OTOGL: variants seen among roughly 807,000 people sequenced by gnomAD.
OTOGL encodes otogelin-like protein.
A neutral mutation model predicts 318.5 loss-of-function variants in OTOGL; 285 were observed. The observed-to-expected ratio is 0.89, with a 90% CI of 0.81 to 0.99. The LOEUF (loss-of-function observed/expected upper bound fraction) is 0.99, where lower values mean the gene tolerates loss of function less well. Ranked by LOEUF, OTOGL falls within the 50% of genes least tolerant of loss-of-function variation. The pLI is 0.00. For synonymous variants in OTOGL, 987 were observed against 936.5 expected (o/e 1.05, Z -0.99); for missense variants, 2,899 against 2,845.6 (o/e 1.02, Z -0.43).
At chr12:80,303,744 G>A (rs888978397) in intron 28 of OTOGL, among the ~76,000 whole-genome samples, 1 of 152,062 alleles carries the variant, frequency 6.6e-6, no homozygotes, top group South Asian at 2.1e-4. Context: ...TAACCATCAG[G>A]TGTCATGAGA....
chr12:80,114,044 C>T lies in OTOGL; in HGVS notation c.-20+14439C>T, dbSNP rs371748938. On this transcript the variant is annotated intron_variant, in intron 1 of 58. Transcript: ENST00000547103. ...GATGGGTCTCCTGAATACAGCACAC[C>T]GATGGGTCTTGACTCTTTATCCAAT... Among the ~76,000 whole-genome samples, 28 of 152,046 alleles carry T rather than the reference C, an allele frequency of 1.8e-4. No individual in the cohort carries two copies. In the East Asian group the frequency reaches 2.7e-3, roughly 15 times the overall value.
intron 22 of OTOGL, among the ~76,000 whole-genome samples, chr12:80,267,937 G>A (rs1241417068): frequency 4.0e-5 from 6 of 151,504 alleles, no homozygotes; most frequent in African/African-American, 1.5e-4. Context: ...GGTGAAGTAC[G>A]TGTTTAAATA....
At position 80,265,015 on chromosome 12, in the gene OTOGL, C is replaced by G; in HGVS notation, c.2029C>G (p.His677Asp). 1.2e-6 allele frequency: 2 copies of G among 1,613,870 alleles called. No homozygotes were observed. The highest frequency in any genetic ancestry group is 1.7e-6 in the Non-Finnish European group (2 of 1,179,830). The change falls in exon 20 of 59, where the codon CAC becomes GAC. Residue 677 changes from histidine to aspartate, a missense_variant. By Grantham distance (81) the His-to-Asp change is moderately conservative (BLOSUM62 -1). This residue lies in a region of OTOGL where 2,607 missense variants were observed against 2,524.9 expected (regional missense o/e 1.03). Coordinates refer to ENST00000547103, the MANE Select transcript of OTOGL (RefSeq NM_001378609.3). ...INQQNIGYAA[H>D]CDVIHQELFA... ...CTCTTTGTTAGTTGGGTATGCAGCA[C>G]ACTGTGATGTCATCCACCAGGAGCT...
chr12:80,310,836 A>G (rs897502494), intron 30 of OTOGL, 109 bp downstream of exon 30: 4 of 784,070 alleles, frequency 5.1e-6, no homozygotes, highest in South Asian at 2.0e-5. Flanking sequence ...TTTTAGATAT[A>G]CCACCTAACT....
chr12:80,304,793 AT>A (rs1209517501), intron 28 of OTOGL, among the ~76,000 whole-genome samples: 1 of 152,096 alleles, frequency 6.6e-6, no homozygotes, highest in Non-Finnish European at 1.5e-5. Flanking sequence ...TGCAGTGATG[AT>A]TTTCTAGAAG....
chr12:80,146,791 G>C (rs1872398067), intron 1 of OTOGL, among the ~76,000 whole-genome samples: 1 of 150,722 alleles, frequency 6.6e-6, no homozygotes, highest in Admixed American at 6.6e-5. Context: ...TCTTGGGAGA[G>C]TGTATGTGTC....
chr12:80,267,294 C>T lies in OTOGL; in HGVS notation c.2432C>T (p.Pro811Leu). ...RCHYRGSVYQ[P>L]GELIPTPSGL... Reference sequence around the variant, plus strand: ...CATTATAGGGGCAGTGTTTATCAACCTGGAGAGCTCATCCCCACACCCTCG... The same window carrying T: ...CATTATAGGGGCAGTGTTTATCAACTTGGAGAGCTCATCCCCACACCCTCG... Residue 811 changes from proline to leucine, a missense_variant, in exon 22 of 59, where the codon CCT (proline) becomes CTT (leucine). Physicochemically the swap from Pro to Leu is moderately conservative, Grantham distance 98 (BLOSUM62 -3). This residue lies in a region of OTOGL where 2,607 missense variants were observed against 2,524.9 expected (regional missense o/e 1.03). Coordinates refer to ENST00000547103, the MANE Select transcript of OTOGL (RefSeq NM_001378609.3). 2 of 1,565,734 alleles carry T rather than the reference C, an allele frequency of 1.3e-6. No homozygotes were observed. The highest frequency in any genetic ancestry group is 1.7e-6 in the Non-Finnish European group (2 of 1,144,504).
At chr12:80,279,768 T>A (rs1884082789) in intron 26 of OTOGL, among the ~76,000 whole-genome samples, 1 of 151,840 alleles carries the variant, frequency 6.6e-6, no homozygotes, top group South Asian at 2.1e-4. Context: ...CATGTGTCTT[T>A]ACGGTAGAAT....
At chr12:80,333,171 T>G (rs1888187237) in intron 38 of OTOGL, 93 bp downstream of exon 38, 1 of 1,093,418 alleles carries the variant, frequency 9.1e-7, no homozygotes, top group Non-Finnish European at 1.3e-6. Context: ...CTAAACTTTT[T>G]TTGATATGTT....
chr12:80,199,434 TA>T (rs1032689391), intron 1 of OTOGL, among the ~76,000 whole-genome samples: 6 of 152,348 alleles, frequency 3.9e-5, no homozygotes, highest in Admixed American at 6.5e-5. Flanking sequence ...GTTGAATGAT[TA>T]TTTTTATCAT....
At chr12:80,177,562 C>A (rs1276785223) in intron 1 of OTOGL, among the ~76,000 whole-genome samples, 1 of 151,444 alleles carries the variant, frequency 6.6e-6, no homozygotes, top group Admixed American at 6.6e-5. Flanking sequence ...TAACTTTATC[C>A]TTTTTTTTAA....
intron 1 of OTOGL, chr12:80,102,828 C>G (rs1869220108): frequency 1.5e-6 from 1 of 662,070 alleles, no homozygotes; most frequent in Non-Finnish European, 2.7e-6. Flanking sequence ...ACTCTCGGAG[C>G]TCTAGTCATA....
At chr12:80,274,162 A>T (rs1883620554) in intron 24 of OTOGL, among the ~76,000 whole-genome samples, 1 of 152,076 alleles carries the variant, frequency 6.6e-6, no homozygotes, top group Admixed American at 6.6e-5. Context: ...AGAAATGATT[A>T]GATTTAGTGA....
intron 1 of OTOGL, among the ~76,000 whole-genome samples, chr12:80,125,957 T>C (rs1005643885): frequency 2.6e-5 from 4 of 152,188 alleles, no homozygotes; most frequent in African/African-American, 4.8e-5. Flanking sequence ...TTGCTAGCAG[T>C]CTATCAATTT....
Position 80,302,625 on chromosome 12 carries a change from G to T in OTOGL, c.3064-9G>T. The stretch of plus-strand genomic sequence containing the variant: ...ACTCACTTTGTTTATTTTCTTTTTT[G>T]TTTTTAAGAAACAATCAGGTTTTTT... On this transcript the variant is annotated splice_polypyrimidine_tract_variant and intron_variant, in intron 27 of 58. Coordinates refer to ENST00000547103, the MANE Select transcript of OTOGL (RefSeq NM_001378609.3). 7.5e-7 allele frequency: 1 copy of T among 1,333,324 alleles called. No individual in the cohort carries two copies. Among genetic ancestry groups the T allele is most frequent in the African/African-American group, 1.5e-5 (1 of 66,482 alleles). 82.6% of individuals were successfully genotyped at this position (1,333,324 alleles called of 1,614,324 possible).
In OTOGL at chr12:80,267,261, G is replaced by A. The variant is rs773037894; in HGVS notation, c.2399G>A (p.Cys800Tyr). ...TLNFCVPIFH[C>Y]RCHYRGSVYQ... ...ACTTTTTCTTCGTATAGATTCCACT[G>A]CCGTTGTCATTATAGGGGCAGTGTT... Residue 800 changes from cysteine (C) to tyrosine (Y), a missense_variant, in exon 22 of 59, where the codon TGC becomes TAC. By Grantham distance (194) the Cys-to-Tyr change is radical. This residue lies in a region of OTOGL where 2,607 missense variants were observed against 2,524.9 expected (regional missense o/e 1.03). Transcript: ENST00000547103. 1 of 1,548,782 alleles carries A rather than the reference G, an allele frequency of 6.5e-7. No homozygotes were observed. Among genetic ancestry groups the A allele is most frequent in the South Asian group, 1.2e-5 (1 of 85,152 alleles).
intron 32 of OTOGL, among the ~76,000 whole-genome samples, chr12:80,317,154 G>T (rs1024075780): frequency 6.6e-6 from 1 of 152,098 alleles, no homozygotes; most frequent in African/African-American, 2.4e-5. Flanking sequence ...GAGAACTTCA[G>T]TTTCCTACTA....
intron 1 of OTOGL, among the ~76,000 whole-genome samples, chr12:80,196,992 A>G (rs927934383): frequency 6.6e-6 from 1 of 152,164 alleles, no homozygotes; most frequent in Non-Finnish European, 1.5e-5. Context: ...CTGATAAGAA[A>G]CATTTACAAT....
chr12:80,173,936 C>G (rs752885593), intron 1 of OTOGL, among the ~76,000 whole-genome samples: 1 of 152,246 alleles, frequency 6.6e-6, no homozygotes, highest in Non-Finnish European at 1.5e-5. Flanking sequence ...TGAGTTCTGA[C>G]AGAAGGTGTT....
Sources: allele counts gnomAD v4.1 joint callset (sites outside exome capture counted in the v4.1 genomes callset), GRCh38; gene constraint gnomAD v4.1.1; regional missense constraint gnomAD v4.1.1; transcripts MANE v1.5; gene names NCBI Gene and HGNC (gene_info 2026-07-23, HGNC 2026-07-21).